The following FANCM variants were observed in gnomAD, a reference collection of about 807,000 sequenced individuals.
FANCM encodes Fanconi anemia group M protein.
A neutral mutation model predicts 199.5 loss-of-function variants in FANCM; 140 were observed. The ratio of observed to expected loss-of-function variants is 0.70; its 90% CI spans 0.61 to 0.81. The LOEUF (loss-of-function observed/expected upper bound fraction) is 0.81, where lower values mean the gene tolerates loss of function less well. Ranked by LOEUF, FANCM falls within the 30% of genes least tolerant of loss-of-function variation. The pLI, the probability that FANCM is intolerant of heterozygous loss-of-function variation, is 0.00. For synonymous variants in FANCM, 840 were observed against 836.8 expected (o/e 1.00, Z -0.07); for missense variants, 2,410 against 2,421.4 (o/e 1.00, Z 0.10).
intron 2 of FANCM, chr14:45,137,739 G>T (rs1228453057): frequency 1.8e-5 from 3 of 165,670 alleles, no homozygotes; most frequent in Admixed American, 5.7e-5. Context: ...TCATATCTTT[G>T]CACTGAATGA....
At position 45,136,153 on chromosome 14, in the gene FANCM, C is replaced by T. The variant is rs548726090; in HGVS notation, c.122C>T (p.Pro41Leu). The change falls in exon 1 of 23, where the codon CCT becomes CTT. Residue 41 changes from proline to leucine, a missense_variant. By Grantham distance (98) the Pro-to-Leu change is moderately conservative. Transcript: ENST00000267430. ...CAGAGCCCTGGCAGCTCCAAGGCGC[C>T]TTTGCCAGCAGCAGCGGAGGCTCAG... ...RPQSPGSSKA[P>L]LPAAAEAQLE... 2.7e-5 allele frequency: 44 copies of T among 1,614,196 alleles called. No individual in the cohort carries two copies. The South Asian group carries it at 4.8e-4, about 18-fold the overall frequency.
rs2139248693 is a variant in FANCM at position 45,176,221 on chromosome 14, G to A, written c.3467G>A (p.Ser1156Asn). Residue 1156 changes from serine to asparagine, a missense_variant, in exon 14 of 23, where the codon AGC becomes AAC. Ser to Asn is a conservative substitution (Grantham distance 46, BLOSUM62 1). Coordinates refer to ENST00000267430, the MANE Select transcript of FANCM (RefSeq NM_020937.4). The stretch of plus-strand genomic sequence containing the variant: ...AGTCTTTCACCCTTGAACAGTAAAA[G>A]CGAATCTTTACCTGTGTCAGACAAA... Reference protein sequence around the residue: ...DVSLSPLNSKSESLPVSDKTA... With the variant: ...DVSLSPLNSKNESLPVSDKTA... 2.5e-6 allele frequency: 4 copies of A among 1,614,060 alleles called. No individual in the cohort carries two copies. The highest frequency in any genetic ancestry group is 3.4e-6 in the Non-Finnish European group (4 of 1,179,956).
chr14:45,136,579 A>T, intron 1 of FANCM, 40 bp downstream of exon 1: 1 of 1,594,250 alleles, frequency 6.3e-7, no homozygotes, highest in Non-Finnish European at 8.6e-7. Flanking sequence ...AGAGCTGGGA[A>T]TTCCTGACCC....
intron 2 of FANCM, chr14:45,138,067 T>C (rs1316703817): frequency 6.6e-6 from 1 of 152,074 alleles, no homozygotes; most frequent in Non-Finnish European, 1.5e-5. Context: ...CGTGGAAAGA[T>C]GATTTAGATG....
rs141277755 is a variant in FANCM at position 45,183,533 on chromosome 14, T to A, written c.4387-241T>A. ...AATAAAAATAAAAACTAAAAGTATG[T>A]TTTCATCAAACATATTCGATGTAAT... On this transcript the variant is annotated intron_variant, in intron 16 of 22. Transcript: ENST00000267430. Among the ~76,000 whole-genome samples, 708 of 152,264 alleles carry A rather than the reference T, an allele frequency of 4.6e-3. 5 individuals are homozygous for A. The highest frequency in any genetic ancestry group is 0.014 in the African/African-American group (598 of 41,552).
At chr14:45,190,604 C>T (rs999955962) in intron 20 of FANCM, among the ~76,000 whole-genome samples, 1 of 152,142 alleles carries the variant, frequency 6.6e-6, no homozygotes, top group Non-Finnish European at 1.5e-5. Flanking sequence ...CTATTCTGCT[C>T]TCTGCTTCTA....
intron 1 of FANCM, 22 bp downstream of exon 1, chr14:45,136,561 T>C (rs1229258562): frequency 1.2e-6 from 2 of 1,610,264 alleles, no homozygotes; most frequent in African/African-American, 1.3e-5. Flanking sequence ...TGGACTAATT[T>C]TGAAGTAAGA....
At chr14:45,166,030 CT>C (rs1445636048) in intron 10 of FANCM, among the ~76,000 whole-genome samples, 2 of 151,756 alleles carry the variant, frequency 1.3e-5, no homozygotes, top group African/African-American at 4.8e-5. Context: ...AAATATCAGT[CT>C]TTTTTAAAAA....
intron 9 of FANCM, among the ~76,000 whole-genome samples, chr14:45,163,344 A>G (rs1256280103): frequency 1.3e-5 from 2 of 152,230 alleles, no homozygotes; most frequent in African/African-American, 2.4e-5. Context: ...GCCCTTGCAC[A>G]TAGTAGCTAT....
chr14:45,140,300 T>G (rs1885819011), intron 2 of FANCM, among the ~76,000 whole-genome samples: 1 of 152,102 alleles, frequency 6.6e-6, no homozygotes, highest in Admixed American at 6.5e-5. Flanking sequence ...TGAGCTAAAG[T>G]GAACCACCCA....
At chr14:45,147,418 A>C (rs974855024) in intron 3 of FANCM, among the ~76,000 whole-genome samples, 3 of 151,686 alleles carry the variant, frequency 2.0e-5, no homozygotes, top group African/African-American at 7.3e-5. Context: ...TTCAAGTGAT[A>C]CTTCAGCAGG....
At chr14:45,154,871 C>T (rs1197685482) in intron 7 of FANCM, 49 bp downstream of exon 7, 2 of 1,553,338 alleles carry the variant, frequency 1.3e-6, no homozygotes, top group Middle Eastern at 2.1e-4. Flanking sequence ...TTCTTAATCA[C>T]AGTTAATTTT....
intron 13 of FANCM, among the ~76,000 whole-genome samples, chr14:45,174,704 A>G (rs1888552325): frequency 6.6e-6 from 1 of 152,114 alleles, no homozygotes; most frequent in Non-Finnish European, 1.5e-5. Flanking sequence ...GTTTTTATTA[A>G]TATATGTTTT....
Position 45,183,826 on chromosome 14 carries a change from A to G in FANCM, c.4439A>G (p.Gln1480Arg), listed in dbSNP as rs772095334. 24 of 1,608,606 alleles carry G rather than the reference A, an allele frequency of 1.5e-5. No individual in the cohort carries two copies. The highest frequency in any genetic ancestry group is 1.6e-4 in the Middle Eastern group (1 of 6,068). ...GAGAATTTTCCCAAACCATGTTCAC[A>G]ATTAGAAGACTTCAAGGTTTGTAAC... ...ESENFPKPCS[Q>R]LEDFKVCNGN... Residue 1480 changes from glutamine (Q) to arginine (R), a missense_variant, in exon 17 of 23, where the codon CAA (glutamine) becomes CGA (arginine). By Grantham distance (43) the Gln-to-Arg change is conservative (BLOSUM62 1). Coordinates refer to ENST00000267430, the MANE Select transcript of FANCM (RefSeq NM_020937.4).
Position 45,196,167 on chromosome 14 carries a change from T to C in FANCM, c.5341-5T>C. 6.2e-7 allele frequency: 1 copy of C among 1,614,132 alleles called. No homozygotes were observed. The highest frequency in any genetic ancestry group is 1.1e-5 in the South Asian group (1 of 91,088). ...GAATGTGACCAGTGTTTTCCACTTT[T>C]TCAGGATGGTAGTGCTTTGGAGGAT... is the stretch of plus-strand genomic sequence containing the variant. On this transcript the variant is annotated splice_polypyrimidine_tract_variant and splice_region_variant and intron_variant, in intron 20 of 22. Coordinates refer to ENST00000267430, the MANE Select transcript of FANCM (RefSeq NM_020937.4).
Position 45,147,907 on chromosome 14 carries a change from C to G in FANCM, c.760-930C>G, listed in dbSNP as rs4906565. Among the ~76,000 whole-genome samples the G allele has an allele frequency of 1.9e-3, 268 of 143,008 alleles. 2 individuals are homozygous for G. The East Asian group carries it at 0.043, about 23-fold the overall frequency. 93.8% of individuals were successfully genotyped at this position (143,008 alleles called of 152,430 possible). On this transcript the variant is annotated intron_variant, in intron 3 of 22. Coordinates refer to ENST00000267430, the MANE Select transcript of FANCM (RefSeq NM_020937.4). ...GGGAGGTTCCAAACCGCCCCCCCCC[C>G]AAAAAAAAAGCCGGGCGTGATGCCT...
chr14:45,162,591 C>A (rs1253466915), intron 9 of FANCM, among the ~76,000 whole-genome samples: 2 of 152,122 alleles, frequency 1.3e-5, no homozygotes, highest in Non-Finnish European at 2.9e-5. Context: ...TAGTAATAAA[C>A]AGTTTTTGGA....
chr14:45,136,648 TC>T, intron 1 of FANCM, 109 bp downstream of exon 1: 1 of 1,094,122 alleles, frequency 9.1e-7, no homozygotes, highest in Non-Finnish European at 1.4e-6. Context: ...CTTAAAACAT[TC>T]TCTACTTGCA....
At chr14:45,197,960 G>A (rs906283619) in intron 21 of FANCM, among the ~76,000 whole-genome samples, 2 of 149,590 alleles carry the variant, frequency 1.3e-5, no homozygotes, top group African/African-American at 5.0e-5. Context: ...GTAGAGACGA[G>A]GTTTCACCAT....
Sources: allele counts gnomAD v4.1 joint callset (sites outside exome capture counted in the v4.1 genomes callset), GRCh38; gene constraint gnomAD v4.1.1; transcripts MANE v1.5; gene names NCBI Gene and HGNC (gene_info 2026-07-23, HGNC 2026-07-21).